Variants in ERG observed in about 807,000 individuals in gnomAD.
ERG encodes transcriptional regulator ERG.
ERG carries 9 observed loss-of-function variants against 55.3 expected under a neutral mutation model. That is an observed-to-expected ratio of 0.16 (90% CI 0.10 to 0.28). The LOEUF (loss-of-function observed/expected upper bound fraction) is 0.28, where lower values mean the gene tolerates loss of function less well. ERG is among the 10% of genes least tolerant of loss of function. ERG has a pLI of 1.00. For missense variants in ERG, 434 were observed against 631.6 expected, an observed-to-expected ratio of 0.69 and a Z score of 3.35; for synonymous variants, 223 against 237.3, an observed-to-expected ratio of 0.94 and a Z score of 0.55.
At chr21:38,527,804 T>A (rs2059640781) in intron 2 of ERG, among the ~76,000 whole-genome samples, 1 of 151,956 alleles carries the variant, frequency 6.6e-6, no homozygotes, top group African/African-American at 2.4e-5. Context: ...AATGATAACA[T>A]GTGACTGTAT....
At chr21:38,650,956 A>C (rs1190627147) in intron 1 of ERG, among the ~76,000 whole-genome samples, 1 of 152,228 alleles carries the variant, frequency 6.6e-6, no homozygotes, top group Non-Finnish European at 1.5e-5. Flanking sequence ...CAAAATAATC[A>C]ATTGTATTAT....
intron 1 of ERG, among the ~76,000 whole-genome samples, chr21:38,614,598 T>A: frequency 6.6e-6 from 1 of 152,256 alleles, no homozygotes; most frequent in South Asian, 2.1e-4. Context: ...ACCATGCAGA[T>A]GAAACTACCT....
chr21:38,397,829 C>T (rs1435995644), intron 6 of ERG, among the ~76,000 whole-genome samples: 3 of 152,030 alleles, frequency 2.0e-5, no homozygotes, highest in Non-Finnish European at 2.9e-5. Flanking sequence ...ACCACTGTCT[C>T]CTCTATCAGG....
intron 1 of ERG, among the ~76,000 whole-genome samples, chr21:38,617,152 C>T (rs1205113037): frequency 6.6e-6 from 1 of 152,110 alleles, no homozygotes; most frequent in East Asian, 1.9e-4. Flanking sequence ...TCATTTATTC[C>T]CTCATGAATT....
At position 38,621,125 on chromosome 21, in the gene ERG, G is replaced by A. The variant is rs753592129; in HGVS notation, c.-149-36180C>T. Among the ~76,000 whole-genome samples, 117 of 152,304 alleles carry A rather than the reference G, an allele frequency of 7.7e-4. 1 individual carries two copies. The highest frequency in any genetic ancestry group is 2.1e-3 in the East Asian group (11 of 5,178). ...GGAATGCAACTATCTGGGAGTCATC[G>A]GTGTAGGTGGGATTGGAAGCCATGG... On this transcript the variant is annotated intron_variant, in intron 1 of 10. Coordinates refer to the ERG transcript ENST00000398910.
At chr21:38,592,100 G>T (rs1316539955) in intron 1 of ERG, among the ~76,000 whole-genome samples, 3 of 152,354 alleles carry the variant, frequency 2.0e-5, no homozygotes, top group East Asian at 1.9e-4. Flanking sequence ...CTCAGAAGGG[G>T]TGTGCTGCCA....
At chr21:38,521,117 G>A (rs2836458) in intron 2 of ERG, among the ~76,000 whole-genome samples, 49,158 of 152,020 alleles carry the variant, frequency 0.32, 9,706 homozygotes, top group Non-Finnish European at 0.43. Flanking sequence ...CCAGCCGACA[G>A]CACAGAGTCG....
At chr21:38,429,817 T>G (rs11088430) in intron 2 of ERG, among the ~76,000 whole-genome samples, 116,298 of 149,344 alleles carry the variant, frequency 0.78, 46,123 homozygotes, top group South Asian at 0.92. Context: ...TGGTTCCACA[T>G]TTTTGCAATT....
At chr21:38,591,386 T>G (rs2060099508) in intron 1 of ERG, among the ~76,000 whole-genome samples, 1 of 152,156 alleles carries the variant, frequency 6.6e-6, no homozygotes. Context: ...TAGAAGAAGT[T>G]GAGCAACAAA....
At chr21:38,449,636 C>G (rs1004989822) in intron 1 of ERG, among the ~76,000 whole-genome samples, 1 of 152,188 alleles carries the variant, frequency 6.6e-6, no homozygotes, top group Non-Finnish European at 1.5e-5. Context: ...TGCATACTGA[C>G]ATTTTCAGCA....
intron 2 of ERG, among the ~76,000 whole-genome samples, chr21:38,541,244 A>T (rs898404900): frequency 2.6e-5 from 4 of 152,164 alleles, no homozygotes; most frequent in Admixed American, 2.6e-4. Context: ...TCTGCTTAAG[A>T]GGCTTCATTC....
intron 1 of ERG, among the ~76,000 whole-genome samples, chr21:38,622,137 C>A (rs1024158611): frequency 1.3e-5 from 2 of 152,198 alleles, no homozygotes; most frequent in Non-Finnish European, 2.9e-5. Context: ...CTGTGCAGTG[C>A]ACAACCACAC....
intron 1 of ERG, among the ~76,000 whole-genome samples, chr21:38,477,158 C>G (rs552954984): frequency 6.6e-6 from 1 of 151,844 alleles, no homozygotes; most frequent in Non-Finnish European, 1.5e-5. Flanking sequence ...GGACCGCAGG[C>G]GAAGGCCACC....
chr21:38,390,936 C>A, intron 9 of ERG, 59 bp downstream of exon 9: 1 of 1,406,024 alleles, frequency 7.1e-7, no homozygotes, highest in Non-Finnish European at 1.0e-6. Flanking sequence ...ATTTACTTTT[C>A]AAAATAACCA....
At chr21:38,408,576 T>C (rs771478134) in intron 3 of ERG, among the ~76,000 whole-genome samples, 6 of 152,176 alleles carry the variant, frequency 3.9e-5, no homozygotes, top group Non-Finnish European at 8.8e-5. Flanking sequence ...CAGCTGTAGA[T>C]GATGGTTTTT....
At chr21:38,549,441 G>A (rs924239538) in intron 2 of ERG, among the ~76,000 whole-genome samples, 7 of 152,172 alleles carry the variant, frequency 4.6e-5, no homozygotes, top group Non-Finnish European at 7.3e-5. Flanking sequence ...GTCTATCCAC[G>A]TGTTATAGCT....
At chr21:38,578,032 C>T (rs1268789745) in intron 1 of ERG, among the ~76,000 whole-genome samples, 2 of 152,216 alleles carry the variant, frequency 1.3e-5, no homozygotes, top group Non-Finnish European at 2.9e-5. Context: ...AGTCCCCATA[C>T]CCTCAGCAGC....
At chr21:38,419,851 T>C (rs1294366075) in intron 3 of ERG, among the ~76,000 whole-genome samples, 2 of 152,150 alleles carry the variant, frequency 1.3e-5, no homozygotes, top group Non-Finnish European at 2.9e-5. Flanking sequence ...AAAAGTGGGT[T>C]CCAGGTACCA....
intron 2 of ERG, among the ~76,000 whole-genome samples, chr21:38,511,252 T>C (rs1042964453): frequency 1.3e-5 from 2 of 152,202 alleles, no homozygotes; most frequent in African/African-American, 4.8e-5. Context: ...AATCAATATT[T>C]TGTCTATTTA....
Sources: gnomAD v4.1 joint callset for allele counts (sites outside exome capture counted in the v4.1 genomes callset) on GRCh38, gnomAD v4.1.1 for gene constraint, MANE v1.5 for transcripts, NCBI Gene and HGNC (gene_info 2026-07-23, HGNC 2026-07-21) for gene names.